DPP6: variants seen among roughly 807,000 people sequenced by gnomAD.
DPP6 encodes dipeptidyl peptidase like 6.
A neutral mutation model predicts 122.6 loss-of-function variants in DPP6; 69 were observed. The observed-to-expected ratio is 0.56, with a 90% confidence interval of 0.46 to 0.69. The LOEUF (loss-of-function observed/expected upper bound fraction) is 0.69. DPP6 is among the 30% of genes least tolerant of loss of function. The pLI is 0.00. For missense variants in DPP6, 928 were observed against 1,116.9 expected (o/e 0.83, Z 2.41); for synonymous variants, 418 against 433.1 (o/e 0.97, Z 0.43).
At chr7:154,110,606 A>T (rs1228525173) in intron 1 of DPP6, among the ~76,000 whole-genome samples, 2 of 152,204 alleles carry the variant, frequency 1.3e-5, no homozygotes, top group African/African-American at 4.8e-5. Flanking sequence ...TTATGGGATG[A>T]GCGAGAAAGG....
At chr7:154,528,419 G>A (rs188784053) in intron 3 of DPP6, among the ~76,000 whole-genome samples, 16 of 152,252 alleles carry the variant, frequency 1.1e-4, no homozygotes, top group African/African-American at 1.4e-4. Context: ...CTACGCCTCC[G>A]TCCTTACTCC....
intron 1 of DPP6, among the ~76,000 whole-genome samples, chr7:154,132,234 T>A (rs1156241440): frequency 6.6e-6 from 1 of 152,226 alleles, no homozygotes; most frequent in East Asian, 1.9e-4. Context: ...GTTTTACTGC[T>A]GGCTTAATAT....
At chr7:154,370,795 G>A (rs1397568847) in intron 1 of DPP6, among the ~76,000 whole-genome samples, 1 of 152,160 alleles carries the variant, frequency 6.6e-6, no homozygotes, top group Non-Finnish European at 1.5e-5. Context: ...TACTGATGAT[G>A]TTTCACCTAT....
chr7:154,789,200 C>T (rs1289879925), intron 10 of DPP6, among the ~76,000 whole-genome samples: 2 of 152,218 alleles, frequency 1.3e-5, no homozygotes, highest in Non-Finnish European at 2.9e-5. Flanking sequence ...CAGTCTAACC[C>T]ATGTGCATCT....
At chr7:154,093,598 CCACACACACACCATACA>C (rs1267391640) in intron 1 of DPP6, 3 of 135,024 alleles carry the variant, frequency 2.2e-5, no homozygotes, top group Non-Finnish European at 3.3e-5. Flanking sequence ...ACACCATACC[CCACACACACACCATACA>C]CACACACACA....
intron 18 of DPP6, among the ~76,000 whole-genome samples, chr7:154,869,296 C>G (rs1804171446): frequency 6.6e-6 from 1 of 152,206 alleles, no homozygotes; most frequent in African/African-American, 2.4e-5. Context: ...AATCACCTAA[C>G]AGACTCAGCT....
the DPP6 span, among the ~76,000 whole-genome samples, chr7:153,788,911 G>A: frequency 2.0e-5 from 3 of 151,448 alleles, no homozygotes; most frequent in Non-Finnish European, 4.4e-5. Flanking sequence ...GTTGGAGTGA[G>A]ATGAGATCGT....
In DPP6 at chr7:154,066,125, A is replaced by T. The variant is rs563605339; in HGVS notation, c.243+13062A>T. 7.6e-4 allele frequency among the ~76,000 whole-genome samples: 115 copies of T among 150,390 alleles called. No individual in the cohort carries two copies. In the South Asian group the frequency reaches 0.012, roughly 15 times the overall value. On this transcript the variant is annotated intron_variant, in intron 1 of 25. Coordinates refer to ENST00000377770, the MANE Select transcript of DPP6 (RefSeq NM_130797.4). ...CCCAGGCTGGAGTGCAGTGATACAA[A>T]CTCAGCTCACTGTAACCTCTGCCTC...
chr7:154,690,376 G>T (rs1839865497), intron 7 of DPP6, among the ~76,000 whole-genome samples: 1 of 152,100 alleles, frequency 6.6e-6, no homozygotes, highest in African/African-American at 2.4e-5. Context: ...GAGTGGTAAG[G>T]AGTCTTTTAG....
intron 4 of DPP6, among the ~76,000 whole-genome samples, chr7:154,546,655 A>G (rs1347096427): frequency 1.3e-5 from 2 of 152,208 alleles, no homozygotes; most frequent in Non-Finnish European, 2.9e-5. Context: ...TTGGTTTTAT[A>G]TAATCATAGA....
intron 1 of DPP6, among the ~76,000 whole-genome samples, chr7:153,932,226 T>C (rs896277988): frequency 2.0e-5 from 3 of 151,088 alleles, no homozygotes; most frequent in African/African-American, 7.3e-5. Flanking sequence ...GTTCAAGCAA[T>C]TCTCCTGCCT....
rs1348985570 is a variant in DPP6, at chr7:154,052,616, G to T, written c.-205G>T. 8 of 1,265,944 alleles carry T rather than the reference G, an allele frequency of 6.3e-6. No homozygotes were observed. The South Asian group carries it at 1.0e-4, about 16-fold the overall frequency. The allele number at this position is 1,265,944 out of a possible 1,614,324, so 78.4% of individuals were successfully genotyped here. On this transcript the variant is annotated 5_prime_UTR_variant, in exon 1 of 26. Coordinates refer to ENST00000377770, the MANE Select transcript of DPP6 (RefSeq NM_130797.4). The surrounding 1 kb of genome is among the most constrained non-coding windows in gnomAD (Gnocchi z 4.8). Reference sequence around the variant, plus strand: ...CCGGGGAGGGGGCGGAGGAGGCTGAGCCAGGCAGAGTCGCCAGCGGAGACT... The same window carrying T: ...CCGGGGAGGGGGCGGAGGAGGCTGATCCAGGCAGAGTCGCCAGCGGAGACT...
chr7:154,669,849 T>C (rs1838443533), intron 7 of DPP6, among the ~76,000 whole-genome samples: 1 of 151,060 alleles, frequency 6.6e-6, no homozygotes, highest in Admixed American at 6.6e-5. Context: ...GAGGGTTTTT[T>C]TTTGTTTTTT....
intron 1 of DPP6, among the ~76,000 whole-genome samples, chr7:153,977,648 G>C (rs902872252): frequency 6.6e-6 from 1 of 152,024 alleles, no homozygotes; most frequent in Non-Finnish European, 1.5e-5. Context: ...ATGGTGGTTT[G>C]CTTCACCCAT....
intron 1 of DPP6, among the ~76,000 whole-genome samples, chr7:154,414,013 T>C (rs536053832): frequency 9.8e-5 from 15 of 152,344 alleles, no homozygotes; most frequent in African/African-American, 3.1e-4. Context: ...TGCCTGTTTT[T>C]GAAGCCATCG....
chr7:154,497,928 A>G (rs1329043655), intron 3 of DPP6, among the ~76,000 whole-genome samples: 1 of 152,140 alleles, frequency 6.6e-6, no homozygotes, highest in South Asian at 2.1e-4. Flanking sequence ...CCACTCTACC[A>G]GGCCATGCAA....
At chr7:154,310,903 A>G (rs933425876) in intron 1 of DPP6, among the ~76,000 whole-genome samples, 13 of 152,114 alleles carry the variant, frequency 8.5e-5, no homozygotes, top group Admixed American at 8.5e-4. Context: ...TTTGGCACTC[A>G]CTGATCTAGT....
intron 1 of DPP6, among the ~76,000 whole-genome samples, chr7:154,215,411 G>A (rs1444893528): frequency 3.3e-5 from 5 of 152,180 alleles, no homozygotes; most frequent in East Asian, 3.9e-4. Flanking sequence ...TCATGAGGAG[G>A]TTATATCAAG....
intron 1 of DPP6, among the ~76,000 whole-genome samples, chr7:153,899,747 G>A (rs908985896): frequency 3.3e-5 from 5 of 152,168 alleles, no homozygotes; most frequent in East Asian, 1.9e-4. Flanking sequence ...AATTGTCAGC[G>A]CCCACTGACT....
Sources: gnomAD v4.1 joint callset for allele counts (sites outside exome capture counted in the v4.1 genomes callset) on GRCh38, gnomAD v4.1.1 for gene constraint, Gnocchi (gnomAD v3.1) non-coding constraint, MANE v1.5 for transcripts, NCBI Gene and HGNC (gene_info 2026-07-23, HGNC 2026-07-21) for gene names.